Variants in CSMD1 observed in about 807,000 individuals in gnomAD.
The protein encoded by CSMD1 is CUB and sushi domain-containing protein 1.
In CSMD1, 213 loss-of-function variants were observed where a neutral mutation model predicts 417.5. The observed-to-expected ratio is 0.51, with a 90% CI of 0.46 to 0.57. CSMD1 has a LOEUF of 0.57. Ranked by LOEUF, CSMD1 falls within the 20% of genes least tolerant of loss-of-function variation. The pLI, the probability that CSMD1 is intolerant of heterozygous loss-of-function variation, is 0.00. For missense variants in CSMD1, 6,923 were observed against 4,529.7 expected (o/e 1.53, Z -15.17); for synonymous variants, 2,862 against 1,736.8 (o/e 1.65, Z -16.11).
At chr8:4,676,724 C>G (rs972861640) in intron 1 of CSMD1, among the ~76,000 whole-genome samples, 4 of 151,976 alleles carry the variant, frequency 2.6e-5, no homozygotes, top group African/African-American at 9.7e-5. Context: ...GTTTCTAGAT[C>G]TCTCCCCCAG....
intron 11 of CSMD1, among the ~76,000 whole-genome samples, chr8:3,470,328 T>G (rs1463756905): frequency 6.6e-6 from 1 of 152,208 alleles, no homozygotes; most frequent in Non-Finnish European, 1.5e-5. Context: ...AGGGGATGAT[T>G]AACATTTCTA....
At chr8:4,417,729 T>G (rs1229189271) in intron 3 of CSMD1, among the ~76,000 whole-genome samples, 1 of 152,040 alleles carries the variant, frequency 6.6e-6, no homozygotes, top group African/African-American at 2.4e-5. Context: ...AAAGAGAATT[T>G]TGTGACTCTA....
intron 2 of CSMD1, among the ~76,000 whole-genome samples, chr8:4,499,599 A>C (rs1471087451): frequency 2.0e-5 from 3 of 152,242 alleles, no homozygotes; most frequent in Admixed American, 1.3e-4. Flanking sequence ...ATTCTGTAAA[A>C]GGTCAACAGT....
At chr8:3,087,340 T>G in intron 48 of CSMD1, 55 bp from the exon 49 acceptor site, 1 of 1,529,986 alleles carries the variant, frequency 6.5e-7, no homozygotes, top group Non-Finnish European at 9.0e-7. Flanking sequence ...AAATGGCCAG[T>G]GCCATTGCCT....
chr8:3,712,654 G>A (rs920427364), intron 6 of CSMD1, among the ~76,000 whole-genome samples: 4 of 152,176 alleles, frequency 2.6e-5, no homozygotes, highest in African/African-American at 7.2e-5. Flanking sequence ...ATCTTCGGAG[G>A]TGAGCTTGGT....
At chr8:4,064,752 C>G (rs4406417) in intron 3 of CSMD1, among the ~76,000 whole-genome samples, 55,602 of 152,054 alleles carry the variant, frequency 0.37, 10,661 homozygotes, top group South Asian at 0.39. Flanking sequence ...TCTCTCAGTA[C>G]TGCTGTGGAA....
intron 7 of CSMD1, among the ~76,000 whole-genome samples, chr8:3,650,397 G>A (rs934784241): frequency 2.0e-5 from 3 of 152,136 alleles, no homozygotes; most frequent in East Asian, 1.9e-4. Context: ...GGAAAATTAT[G>A]ACATGGCAAA....
chr8:3,838,692 T>A lies in CSMD1; in HGVS notation c.819-84650A>T, dbSNP rs1369803766. ...AATTAATATTATATAGTATAATATA[T>A]AATAAATATTATATAGTATAATATA... is the stretch of plus-strand genomic sequence containing the variant. On this transcript the variant is annotated intron_variant, in intron 5 of 69. Coordinates refer to ENST00000635120, the MANE Select transcript of CSMD1 (RefSeq NM_033225.6). Among the ~76,000 whole-genome samples, 2 of 50,606 alleles carry A rather than the reference T, an allele frequency of 4.0e-5. 1 individual carries two copies. Among genetic ancestry groups the A allele is most frequent in the Non-Finnish European group, 6.5e-5 (2 of 30,980 alleles). 33.2% of individuals were successfully genotyped at this position (50,606 alleles called of 152,430 possible).
At chr8:3,893,144 CAA>C (rs1009593501) in intron 5 of CSMD1, among the ~76,000 whole-genome samples, 2 of 151,540 alleles carry the variant, frequency 1.3e-5, no homozygotes, top group Non-Finnish European at 2.9e-5. Flanking sequence ...AAAAGGTAAT[CAA>C]AGAGTCTTTA....
At chr8:4,268,350 A>C (rs780329144) in intron 3 of CSMD1, among the ~76,000 whole-genome samples, 2 of 152,142 alleles carry the variant, frequency 1.3e-5, no homozygotes, top group African/African-American at 2.4e-5. Flanking sequence ...TTTTTGACTA[A>C]TGTTTTCCTC....
chr8:4,747,487 T>G (rs1676942), intron 1 of CSMD1, among the ~76,000 whole-genome samples: 78,127 of 151,942 alleles, frequency 0.51, 20,190 homozygotes, highest in Admixed American at 0.58. Flanking sequence ...AATGCCCTCC[T>G]AAGTAGAGAA....
chr8:3,256,422 C>G (rs1031072822), intron 26 of CSMD1, among the ~76,000 whole-genome samples: 2 of 152,122 alleles, frequency 1.3e-5, no homozygotes, highest in Non-Finnish European at 2.9e-5. Flanking sequence ...ATGTTGCAGC[C>G]ATCCCGAAAT....
intron 3 of CSMD1, among the ~76,000 whole-genome samples, chr8:4,396,931 T>G (rs538123888): frequency 2.4e-4 from 36 of 151,942 alleles, no homozygotes; most frequent in Non-Finnish European, 3.8e-4. Flanking sequence ...GGGTACAAGG[T>G]ACACTGCCTG....
At chr8:3,463,400 G>T (rs75352737) in intron 12 of CSMD1, among the ~76,000 whole-genome samples, 2 of 152,264 alleles carry the variant, frequency 1.3e-5, no homozygotes, top group African/African-American at 4.8e-5. Context: ...TGAAAAAGGA[G>T]GTACACATTA....
Position 3,350,459 on chromosome 8 carries a change from T to G in CSMD1, c.3305-2298A>C, listed in dbSNP as rs146915983. On this transcript the variant is annotated intron_variant, in intron 21 of 69. Transcript: ENST00000635120. The stretch of plus-strand genomic sequence containing the variant: ...CCAAGGTCACACAGCTAGTACAGAT[T>G]AATTACTGATGTGATATAAACTGTG... 6.6e-3 allele frequency among the ~76,000 whole-genome samples: 1,004 copies of G among 152,270 alleles called. 7 individuals are homozygous for G. The highest frequency in any genetic ancestry group is 0.023 in the African/African-American group (947 of 41,574).
chr8:3,824,489 T>C (rs1036882642), intron 5 of CSMD1, among the ~76,000 whole-genome samples: 6 of 152,090 alleles, frequency 3.9e-5, no homozygotes, highest in Non-Finnish European at 1.5e-5. Context: ...TCATACATTA[T>C]CCACTAGCCA....
intron 3 of CSMD1, among the ~76,000 whole-genome samples, chr8:4,156,522 C>G (rs1796842962): frequency 6.6e-6 from 1 of 152,012 alleles, no homozygotes. Context: ...AAAGTAAGTT[C>G]CTCTTATTTG....
At chr8:4,606,665 T>G (rs2130779670) in intron 2 of CSMD1, among the ~76,000 whole-genome samples, 1 of 152,332 alleles carries the variant, frequency 6.6e-6, no homozygotes, top group South Asian at 2.1e-4. Context: ...ATGTGTTCTA[T>G]TCACTTGGAT....
intron 23 of CSMD1, among the ~76,000 whole-genome samples, chr8:3,343,005 T>C (rs1807761767): frequency 6.6e-6 from 1 of 152,148 alleles, no homozygotes; most frequent in Non-Finnish European, 1.5e-5. Context: ...ATGTATACTA[T>C]ACCCCAATCA....
Sources: allele counts gnomAD v4.1 joint callset (sites outside exome capture counted in the v4.1 genomes callset), GRCh38; gene constraint gnomAD v4.1.1; transcripts MANE v1.5; gene names NCBI Gene and HGNC (gene_info 2026-07-23, HGNC 2026-07-21).